The following ZNF469 variants were observed in gnomAD, a reference collection of about 807,000 sequenced individuals.
ZNF469 encodes zinc finger protein 469.
A neutral mutation model predicts 1.0 loss-of-function variants in ZNF469; 1 was observed. The ratio of observed to expected loss-of-function variants is 1.00; its 90% CI spans 0.35 to 4.73. ZNF469 has a LOEUF of 4.73. Ranked by LOEUF, ZNF469 falls within the 30% of genes most tolerant of loss-of-function variation. The pLI, the probability that ZNF469 is intolerant of heterozygous loss-of-function variation, is 0.16. For synonymous variants in ZNF469, 2,703 were observed against 2,363.4 expected, an observed-to-expected ratio of 1.14 and a Z score of -4.17; for missense variants, 6,100 against 5,356.3, an observed-to-expected ratio of 1.14 and a Z score of -4.33.
chr16:88,403,251 T>C (rs536243212), intron 1 of ZNF469, among the ~76,000 whole-genome samples: 1 of 152,372 alleles, frequency 6.6e-6, no homozygotes, highest in East Asian at 1.9e-4. Flanking sequence ...GAACAGTCCC[T>C]GCTGTCTCAC....
chr16:88,378,987 A>T (rs892955646), upstream of ZNF469, among the ~76,000 whole-genome samples: 1 of 152,164 alleles, frequency 6.6e-6, no homozygotes, highest in African/African-American at 2.4e-5. Flanking sequence ...GTCAGGATGG[A>T]CGGGTGTCCA....
chr16:88,412,990 C>G (rs1905214844), intron 1 of ZNF469, among the ~76,000 whole-genome samples: 1 of 152,056 alleles, frequency 6.6e-6, no homozygotes, highest in South Asian at 2.1e-4. Flanking sequence ...CCCTGCGACC[C>G]CCACCTGAGT....
Position 88,433,132 on chromosome 16 carries a change from C to A in ZNF469, c.5662C>A (p.His1888Asn). The change falls in exon 3 of 3, where the codon CAC (histidine) becomes AAC (asparagine). Residue 1888 changes from histidine (H) to asparagine (N), a missense_variant. Transcript: ENST00000565624. The stretch of plus-strand genomic sequence containing the variant: ...AAGTCCCGCCTGTGTATCCAACACC[C>A]ACCCTAGCAGGAGGTCCCAGGACCC... ...VPSPACVSNT[H>N]PSRRSQDPAL... 6.5e-7 allele frequency: 1 copy of A among 1,550,326 alleles called. No homozygotes were observed. The highest frequency in any genetic ancestry group is 8.7e-7 in the Non-Finnish European group (1 of 1,146,926).
rs1358097892 is a variant in ZNF469, at chr16:88,439,027, A to G, written c.11557A>G (p.Thr3853Ala). The G allele has an allele frequency of 6.5e-7, 1 of 1,550,186 alleles. No individual in the cohort carries two copies. The highest frequency in any genetic ancestry group is 2.0e-5 in the Admixed American group (1 of 50,982). The change falls in exon 3 of 3, where the codon ACT (threonine) becomes GCT (alanine). Residue 3853 changes from threonine to alanine, a missense_variant. By Grantham distance (58) the Thr-to-Ala change is moderately conservative. Coordinates refer to ENST00000565624, the MANE Select transcript of ZNF469 (RefSeq NM_001367624.2). ...KPPRTPRKQATPSRVLPTKPK... is the reference protein window; with the variant it reads ...KPPRTPRKQAAPSRVLPTKPK... The stretch of plus-strand genomic sequence containing the variant: ...CCCCCGGACCCCTCGGAAGCAGGCA[A>G]CTCCCAGCCGCGTGCTCCCGACCAA...
At position 88,429,433 on chromosome 16, in the gene ZNF469, C is replaced by A. The variant is rs1160837657; in HGVS notation, c.1963C>A (p.His655Asn). Residue 655 changes from histidine to asparagine, a missense_variant, in exon 3 of 3, where the codon CAC (histidine) becomes AAC (asparagine). Physicochemically the swap from His to Asn is moderately conservative, Grantham distance 68. Coordinates refer to ENST00000565624, the MANE Select transcript of ZNF469 (RefSeq NM_001367624.2). ...GSPFPSPEPPHSLPTHYQPEP... is the reference protein window; with the variant it reads ...GSPFPSPEPPNSLPTHYQPEP... ...CCCCTTCCCGTCCCCGGAGCCCCCCCACTCCCTCCCCACCCACTACCAGCC... is the reference window on the plus strand; with the variant it reads ...CCCCTTCCCGTCCCCGGAGCCCCCCAACTCCCTCCCCACCCACTACCAGCC... 6.5e-6 allele frequency: 10 copies of A among 1,542,146 alleles called. No individual in the cohort carries two copies. The highest frequency in any genetic ancestry group is 2.7e-5 in the African/African-American group (2 of 72,884).
the ZNF469 span, among the ~76,000 whole-genome samples, chr16:88,350,411 T>A: frequency 6.6e-6 from 1 of 152,212 alleles, no homozygotes; most frequent in Non-Finnish European, 1.5e-5. Context: ...TTGGCCAGAA[T>A]CGCCTAGGGG....
At chr16:88,355,181 C>G in the ZNF469 span, among the ~76,000 whole-genome samples, 4 of 152,176 alleles carry the variant, frequency 2.6e-5, no homozygotes, top group African/African-American at 9.7e-5. Context: ...AACTCTACAA[C>G]GAGACTATCA....
chr16:88,336,512 C>T, the ZNF469 span, among the ~76,000 whole-genome samples: 317 of 147,416 alleles, frequency 2.2e-3, 6 homozygotes, highest in African/African-American at 7.4e-3. Context: ...ATGCCAATAC[C>T]GCGCATGTTC....
chr16:88,171,758 G>A, the ZNF469 span, among the ~76,000 whole-genome samples: 1 of 152,198 alleles, frequency 6.6e-6, no homozygotes, highest in Non-Finnish European at 1.5e-5. Flanking sequence ...CCTTCCTGCT[G>A]TGTGATGGAA....
At chr16:88,396,922 G>A (rs2142269789) in intron 1 of ZNF469, among the ~76,000 whole-genome samples, 2 of 146,032 alleles carry the variant, frequency 1.4e-5, no homozygotes, top group African/African-American at 5.1e-5. Context: ...GAGGCCGGGA[G>A]GAGACCCGTC....
At chr16:88,367,707 G>A in the ZNF469 span, among the ~76,000 whole-genome samples, 3 of 152,188 alleles carry the variant, frequency 2.0e-5, no homozygotes, top group African/African-American at 7.2e-5. Flanking sequence ...CCGCATCCTT[G>A]GGCACCATCC....
In ZNF469 at chr16:88,438,932, A is replaced by G. The variant is rs1159480345; in HGVS notation, c.11462A>G (p.Gln3821Arg). 1.9e-6 allele frequency: 3 copies of G among 1,550,474 alleles called. No individual in the cohort carries two copies. Among genetic ancestry groups the G allele is most frequent in the East Asian group, 2.4e-5 (1 of 40,934 alleles). Reference protein sequence around the residue: ...GESSTKRKKGQVPGPARSESV... With the variant: ...GESSTKRKKGRVPGPARSESV... ...AGCAGTACGAAGAGGAAAAAGGGCCAGGTCCCAGGGCCAGCCAGGAGTGAA... is the reference window on the plus strand; with the variant it reads ...AGCAGTACGAAGAGGAAAAAGGGCCGGGTCCCAGGGCCAGCCAGGAGTGAA... The change falls in exon 3 of 3, where the codon CAG (glutamine) becomes CGG (arginine). Residue 3821 changes from glutamine (Q) to arginine (R), a missense_variant. Physicochemically the swap from Gln to Arg is conservative, Grantham distance 43 (BLOSUM62 1). Coordinates refer to ENST00000565624, the MANE Select transcript of ZNF469 (RefSeq NM_001367624.2).
the ZNF469 span, among the ~76,000 whole-genome samples, chr16:88,282,381 G>A: frequency 6.6e-6 from 1 of 152,188 alleles, no homozygotes; most frequent in African/African-American, 2.4e-5. Flanking sequence ...GCTGTGTTGA[G>A]AGGGACCTGG....
chr16:88,423,235 A>G (rs930315196), intron 1 of ZNF469, among the ~76,000 whole-genome samples: 3 of 143,214 alleles, frequency 2.1e-5, no homozygotes, highest in Admixed American at 1.4e-4. Context: ...AGGTGGGTGG[A>G]TGGATGGATG....
the ZNF469 span, among the ~76,000 whole-genome samples, chr16:88,319,298 C>A: frequency 6.6e-6 from 1 of 152,154 alleles, no homozygotes; most frequent in Admixed American, 6.5e-5. Flanking sequence ...TCACCAGTGT[C>A]GCCTAAACAA....
chr16:88,317,361 G>A, the ZNF469 span, among the ~76,000 whole-genome samples: 2 of 152,216 alleles, frequency 1.3e-5, no homozygotes, highest in African/African-American at 4.8e-5. Flanking sequence ...TCTTCTGCGG[G>A]TGAAACGTGG....
At chr16:88,151,705 A>G in the ZNF469 span, among the ~76,000 whole-genome samples, 2 of 152,234 alleles carry the variant, frequency 1.3e-5, no homozygotes, top group Non-Finnish European at 1.5e-5. This position sits in a 1 kb window ranked among gnomAD's most constrained non-coding sequence, Gnocchi z 5.4. Flanking sequence ...CTGCTGCTGT[A>G]AATGTTCCCC....
rs865985076 is a variant in ZNF469 at position 88,432,316 on chromosome 16, G to A, written c.4846G>A (p.Val1616Met). 81 of 1,547,486 alleles carry A rather than the reference G, an allele frequency of 5.2e-5. No homozygotes were observed. The highest frequency in any genetic ancestry group is 1.8e-4 in the African/African-American group (13 of 73,046). Residue 1616 changes from valine to methionine, a missense_variant, in exon 3 of 3, where the codon GTG becomes ATG. Val to Met is a conservative substitution (Grantham distance 21, BLOSUM62 1). Coordinates refer to ENST00000565624, the MANE Select transcript of ZNF469 (RefSeq NM_001367624.2). ...PSQRRTCQAT[V>M]PHEDTFSAAD... is the part of the protein sequence containing the mutation. ...CCAACGGCGCACCTGCCAGGCCACC[G>A]TGCCCCACGAGGACACGTTCTCGGC...
At chr16:88,265,419 C>T in the ZNF469 span, among the ~76,000 whole-genome samples, 2 of 152,202 alleles carry the variant, frequency 1.3e-5, no homozygotes, top group African/African-American at 2.4e-5. Flanking sequence ...TCACTTGGGG[C>T]TTCCTTTTGG....
Sources: gnomAD v4.1 joint callset for allele counts (sites outside exome capture counted in the v4.1 genomes callset) on GRCh38, gnomAD v4.1.1 for gene constraint, Gnocchi (gnomAD v3.1) non-coding constraint, MANE v1.5 for transcripts, NCBI Gene and HGNC (gene_info 2026-07-23, HGNC 2026-07-21) for gene names.